Variants in DHRS3 observed in about 807,000 individuals in gnomAD.
The protein encoded by DHRS3 is dehydrogenase/reductase 3.
In DHRS3, 14 loss-of-function variants were observed where a neutral mutation model predicts 27.2. The observed-to-expected ratio is 0.52, with a 90% confidence interval of 0.34 to 0.81. The LOEUF (loss-of-function observed/expected upper bound fraction) is 0.81, where lower values mean the gene tolerates loss of function less well. Ranked by LOEUF, DHRS3 falls within the 30% of genes least tolerant of loss-of-function variation. DHRS3 has a pLI of 0.01. For synonymous variants in DHRS3, 165 were observed against 175.9 expected (o/e 0.94, Z 0.49); for missense variants, 322 against 406.2 (o/e 0.79, Z 1.78).
At chr1:12,599,416 C>T (rs1646820808) in intron 1 of DHRS3, among the ~76,000 whole-genome samples, 1 of 152,274 alleles carries the variant, frequency 6.6e-6, no homozygotes, top group South Asian at 2.1e-4. Context: ...GAGAGCATCA[C>T]ATCCCTCCAA....
At chr1:12,572,606 A>T in intron 5 of DHRS3, 122 bp downstream of exon 5, 1 of 1,443,674 alleles carries the variant, frequency 6.9e-7, no homozygotes, top group Non-Finnish European at 9.3e-7. Flanking sequence ...GCCCCACAGT[A>T]AGTACAGTAC....
At chr1:12,617,132 C>A (rs1230746054) in intron 1 of DHRS3, 22 bp downstream of exon 1, 1 of 1,603,180 alleles carries the variant, frequency 6.2e-7, no homozygotes, top group Non-Finnish European at 8.5e-7. Flanking sequence ...CCCCCACTCC[C>A]TGGAGTCGCA....
At chr1:12,617,033 C>T in intron 1 of DHRS3, 121 bp downstream of exon 1, 1 of 1,195,232 alleles carries the variant, frequency 8.4e-7, no homozygotes, top group African/African-American at 1.5e-5. Flanking sequence ...TCGTGGGTGG[C>T]GCGGAGAAGT....
At chr1:12,600,323 A>G (rs1349062887) in intron 1 of DHRS3, 2 of 984,466 alleles carry the variant, frequency 2.0e-6, no homozygotes, top group African/African-American at 3.5e-5. Context: ...AGGAGGTGTG[A>G]GCCCTCGGAG....
intron 1 of DHRS3, among the ~76,000 whole-genome samples, chr1:12,609,707 G>A (rs1380926107): frequency 2.0e-5 from 3 of 152,190 alleles, no homozygotes; most frequent in East Asian, 3.9e-4. Flanking sequence ...CAGCAGCCAG[G>A]GGATCCTGCT....
intron 1 of DHRS3, among the ~76,000 whole-genome samples, chr1:12,610,391 C>T (rs4846128): frequency 0.67 from 102,048 of 151,976 alleles, 34,824 homozygotes; most frequent in African/African-American, 0.8. Context: ...TACTGTTCTA[C>T]TGATCTTGCT....
intron 1 of DHRS3, among the ~76,000 whole-genome samples, chr1:12,588,225 G>T (rs1646714470): frequency 6.6e-6 from 1 of 151,852 alleles, no homozygotes; most frequent in Non-Finnish European, 1.5e-5. Flanking sequence ...CTCCCTGGCT[G>T]CTCCTTCCAG....
chr1:12,611,082 G>A (rs918460189), intron 1 of DHRS3, among the ~76,000 whole-genome samples: 2 of 152,134 alleles, frequency 1.3e-5, no homozygotes, highest in African/African-American at 2.4e-5. Context: ...AGACGGCCTC[G>A]GCAAATACCA....
intron 1 of DHRS3, among the ~76,000 whole-genome samples, chr1:12,582,808 TCATC>T (rs1270895697): frequency 6.6e-6 from 1 of 150,642 alleles, no homozygotes; most frequent in Non-Finnish European, 1.5e-5. Flanking sequence ...CCACCACACT[TCATC>T]CATCCATCCC....
chr1:12,588,618 C>T lies in DHRS3; in HGVS notation c.196-7952G>A, dbSNP rs546281047. Among the ~76,000 whole-genome samples the T allele has an allele frequency of 2.0e-4, 30 of 152,334 alleles. 1 individual carries two copies. The highest frequency in any genetic ancestry group is 1.6e-3 in the Admixed American group (25 of 15,306). On this transcript the variant is annotated intron_variant, in intron 1 of 5. Coordinates refer to ENST00000616661, the MANE Select transcript of DHRS3 (RefSeq NM_004753.7). ...TCGTAACCCCAGCATCCAGCATGGG[C>T]CAGGCACAAGAGTAAAAGCTCAGCT... is the stretch of plus-strand genomic sequence containing the variant.
chr1:12,614,791 C>T (rs185056202), intron 1 of DHRS3, among the ~76,000 whole-genome samples: 1 of 149,950 alleles, frequency 6.7e-6, no homozygotes, highest in Admixed American at 6.7e-5. Context: ...CTCTCAGATG[C>T]AGCCACCAGA....
chr1:12,583,784 A>G (rs997309498), intron 1 of DHRS3, among the ~76,000 whole-genome samples: 2 of 151,180 alleles, frequency 1.3e-5, no homozygotes, highest in Non-Finnish European at 2.9e-5. Flanking sequence ...CCATCCATGC[A>G]TCCATCCATC....
In DHRS3 at chr1:12,617,159, T is replaced by C; in HGVS notation, c.190A>G (p.Arg64Gly). The C allele has an allele frequency of 6.8e-6, 11 of 1,611,262 alleles. No homozygotes were observed. The highest frequency in any genetic ancestry group is 9.3e-6 in the Non-Finnish European group (11 of 1,179,514). ...GGAGTCGCAGTGCCTGGTACCTTTCTGGCGCCGCGCTCCGCGAACTCGCGG... is the reference window on the plus strand; with the variant it reads ...GGAGTCGCAGTGCCTGGTACCTTTCCGGCGCCGCGCTCCGCGAACTCGCGG... Reference protein sequence around the residue: ...LAREFAERGARKIVLWGRTEK... With the variant: ...LAREFAERGAGKIVLWGRTEK... The change falls in exon 1 of 6, where the codon AGA becomes GGA. Residue 64 changes from arginine (R) to glycine (G), a missense_variant. Arg to Gly is a moderately radical substitution (Grantham distance 125, BLOSUM62 -2). Transcript: ENST00000616661.
intron 1 of DHRS3, among the ~76,000 whole-genome samples, chr1:12,598,400 A>G (rs924880189): frequency 0.018 from 2,802 of 152,126 alleles, 35 homozygotes; most frequent in Admixed American, 0.026. Context: ...ACAAAAAAAA[A>G]TAACAACAGT....
chr1:12,572,614 T>G, intron 5 of DHRS3, 114 bp downstream of exon 5: 13 of 1,492,056 alleles, frequency 8.7e-6, no homozygotes, highest in Non-Finnish European at 1.2e-5. Context: ...GTAAGTACAG[T>G]ACATCAGCAG....
chr1:12,569,231 TCACA>T lies in DHRS3; in HGVS notation c.825-811_825-808del, dbSNP rs57427000. Among the ~76,000 whole-genome samples, 115 of 110,550 alleles carry T rather than the reference TCACA, an allele frequency of 1.0e-3. 1 individual carries two copies. The highest frequency in any genetic ancestry group is 1.5e-3 in the Admixed American group (18 of 12,248). The allele number at this position is 110,550 out of a possible 152,430, so 72.5% of individuals were successfully genotyped here. On this transcript the variant is annotated intron_variant, in intron 5 of 5. Transcript: ENST00000616661. ...AAACTCTGTCCCCTCTCTCTCTCTC[TCACA>T]CACACACACACACACACACACACAC...
intron 4 of DHRS3, among the ~76,000 whole-genome samples, chr1:12,577,361 C>T (rs566667391): frequency 7.9e-5 from 12 of 152,188 alleles, no homozygotes; most frequent in Non-Finnish European, 1.8e-4. Flanking sequence ...CGCACCCCAT[C>T]TTGCAGATCA....
intron 1 of DHRS3, among the ~76,000 whole-genome samples, chr1:12,597,204 GTGCC>G (rs955775551): frequency 4.6e-4 from 70 of 152,180 alleles, no homozygotes; most frequent in African/African-American, 1.6e-3. Flanking sequence ...AGCCTCTCGA[GTGCC>G]TGGGATTACA....
intron 5 of DHRS3, among the ~76,000 whole-genome samples, chr1:12,571,157 G>A (rs779359763): frequency 6.6e-6 from 1 of 152,238 alleles, no homozygotes; most frequent in Non-Finnish European, 1.5e-5. Context: ...TGTGGCACCA[G>A]GGACAAGGAT....
Sources: gnomAD v4.1 joint callset for allele counts (sites outside exome capture counted in the v4.1 genomes callset) on GRCh38, gnomAD v4.1.1 for gene constraint, MANE v1.5 for transcripts, NCBI Gene and HGNC (gene_info 2026-07-23, HGNC 2026-07-21) for gene names.